Variants in MTAP observed in about 807,000 individuals in gnomAD.
MTAP encodes the protein S-methyl-5'-thioadenosine phosphorylase.
In MTAP, 33 loss-of-function variants were observed where a neutral mutation model predicts 33.6. That is an observed-to-expected ratio of 0.98 (90% CI 0.74 to 1.31). MTAP has a LOEUF of 1.31. Among genes scored for constraint, MTAP ranks in the 40% most tolerant of loss-of-function variants. The pLI is 0.00. For synonymous variants in MTAP, 148 were observed against 125.7 expected (o/e 1.18, Z -1.19); for missense variants, 367 against 360.0 (o/e 1.02, Z -0.16).
At chr9:21,920,592 G>A (rs77761485) in intron 1 of MTAP, among the ~76,000 whole-genome samples, 1,721 of 152,222 alleles carry the variant, frequency 0.011, 13 homozygotes, top group Middle Eastern at 0.027. Context: ...TAGCCCACTC[G>A]AAAGGGGCTA....
chr9:21,815,671 T>A (rs747590814), intron 2 of MTAP, 152 bp downstream of exon 2: 84 of 649,088 alleles, frequency 1.3e-4, no homozygotes, highest in Non-Finnish European at 2.1e-4. Context: ...AGTTCTGCTG[T>A]TGGGTTCCAT....
chr9:21,810,932 A>G (rs557639134), intron 1 of MTAP, among the ~76,000 whole-genome samples: 679 of 152,292 alleles, frequency 4.5e-3, no homozygotes, highest in South Asian at 7.2e-3. Context: ...GCTCCCTCTC[A>G]TACAGCTAGG....
chr9:21,835,272 A>C (rs910940686), intron 4 of MTAP, among the ~76,000 whole-genome samples: 3 of 152,150 alleles, frequency 2.0e-5, no homozygotes, highest in Non-Finnish European at 4.4e-5. Flanking sequence ...TCAGCATAGG[A>C]ATTTTGGGAG....
intron 1 of MTAP, among the ~76,000 whole-genome samples, chr9:21,908,182 T>C (rs541135562): frequency 2.0e-5 from 3 of 152,312 alleles, no homozygotes; most frequent in Admixed American, 2.0e-4. Context: ...TATACTTTCA[T>C]CATTTCAATA....
chr9:21,863,562 G>A lies in MTAP; in HGVS notation c.*1548G>A. The A allele has an allele frequency of 1.2e-6, 1 of 805,970 alleles. No individual in the cohort carries two copies. The highest frequency in any genetic ancestry group is 5.7e-5 in the South Asian group (1 of 17,572). The allele number at this position is 805,970 out of a possible 1,614,324, so 49.9% of individuals were successfully genotyped here. ...GTGGAGCTTGCAGTGAGCAGAGCTT[G>A]CAGTGAGACGAGCTTGTGCCACTGC... is the stretch of plus-strand genomic sequence containing the variant. On this transcript the variant is annotated 3_prime_UTR_variant, in exon 8 of 8. Transcript: ENST00000644715.
chr9:21,820,678 T>G (rs1283204301), intron 4 of MTAP, among the ~76,000 whole-genome samples: 1 of 152,224 alleles, frequency 6.6e-6, no homozygotes, highest in Non-Finnish European at 1.5e-5. Flanking sequence ...AGAAAGCCAT[T>G]GGTAGCTTGA....
At chr9:21,831,520 T>C (rs1248019397) in intron 4 of MTAP, among the ~76,000 whole-genome samples, 1 of 151,658 alleles carries the variant, frequency 6.6e-6, no homozygotes, top group East Asian at 1.9e-4. Context: ...GGAGATGGGG[T>C]CTCACTATGT....
chr9:21,905,379 C>T (rs1453919142), intron 1 of MTAP, among the ~76,000 whole-genome samples: 5 of 151,494 alleles, frequency 3.3e-5, no homozygotes, highest in East Asian at 3.9e-4. Flanking sequence ...CATTTCCCTG[C>T]CCCCCTCCCT....
At chr9:21,874,027 G>A (rs1020477327) in intron 1 of MTAP, among the ~76,000 whole-genome samples, 5 of 152,030 alleles carry the variant, frequency 3.3e-5, no homozygotes, top group African/African-American at 1.2e-4. Context: ...TCCACACATC[G>A]GAATGTGATG....
At position 21,863,415 on chromosome 9, in the gene MTAP, G is replaced by A. The variant is rs1825792327; in HGVS notation, c.*1401G>A. The A allele has an allele frequency of 2.8e-6, 2 of 713,420 alleles. No individual in the cohort carries two copies. Among genetic ancestry groups the A allele is most frequent in the South Asian group, 6.3e-5 (1 of 15,854 alleles). The allele number at this position is 713,420 out of a possible 1,614,324, so 44.2% of individuals were successfully genotyped here. A position where few individuals can be genotyped will look rare whatever the true frequency, so the allele number is the denominator to read the frequency against. On this transcript the variant is annotated 3_prime_UTR_variant, in exon 8 of 8. Coordinates refer to ENST00000644715, the MANE Select transcript of MTAP (RefSeq NM_002451.4). ...AAGGTCAGGAGATCGAGACCATCCTGGCTAATGCGTTGAAACTCCGTCTCT... is the reference window on the plus strand; with the variant it reads ...AAGGTCAGGAGATCGAGACCATCCTAGCTAATGCGTTGAAACTCCGTCTCT...
At position 21,894,018 on chromosome 9, in the gene MTAP, G is replaced by A. The variant is rs982706564; in HGVS notation, c.148-36990G>A. Among the ~76,000 whole-genome samples the A allele has an allele frequency of 5.3e-5, 8 of 151,514 alleles. No individual in the cohort carries two copies. The East Asian group carries it at 5.8e-4, about 11-fold the overall frequency. On this transcript the variant is annotated intron_variant, in intron 1 of 1. Coordinates refer to the MTAP transcript ENST00000577563. The stretch of plus-strand genomic sequence containing the variant: ...AATACTCAACAAAATGCTAGCAAAC[G>A]AAATCCAGCATTGTATCAAAAAGCT...
intron 5 of MTAP, among the ~76,000 whole-genome samples, chr9:21,848,615 A>T (rs1354216493): frequency 1.3e-5 from 2 of 152,224 alleles, no homozygotes; most frequent in Non-Finnish European, 2.9e-5. Context: ...ATGGAAATTC[A>T]GATGGTGGAG....
At chr9:21,918,277 G>A (rs1347231936) in intron 1 of MTAP, among the ~76,000 whole-genome samples, 1 of 139,808 alleles carries the variant, frequency 7.2e-6, no homozygotes, top group African/African-American at 3.1e-5. Context: ...GTGAACCCGG[G>A]AGGCGGAGCT....
chr9:21,901,724 A>T (rs960026132), intron 1 of MTAP, among the ~76,000 whole-genome samples: 7 of 152,294 alleles, frequency 4.6e-5, no homozygotes, highest in African/African-American at 1.7e-4. Flanking sequence ...CAAGGAGGAA[A>T]TGAGGTTATG....
intron 4 of MTAP, among the ~76,000 whole-genome samples, chr9:21,820,819 T>A (rs986913579): frequency 1.3e-5 from 2 of 152,200 alleles, no homozygotes; most frequent in African/African-American, 4.8e-5. Flanking sequence ...GGTTTGTAGT[T>A]CTCCTTGAAG....
chr9:21,882,540 A>C (rs938537606), intron 1 of MTAP, among the ~76,000 whole-genome samples: 1 of 152,064 alleles, frequency 6.6e-6, no homozygotes, highest in Non-Finnish European at 1.5e-5. Context: ...TACAGTCAGC[A>C]TGAGATTTCT....
At chr9:21,905,738 G>C (rs1040250082) in intron 1 of MTAP, among the ~76,000 whole-genome samples, 2 of 152,172 alleles carry the variant, frequency 1.3e-5, no homozygotes, top group Non-Finnish European at 2.9e-5. Context: ...GGTTATACCT[G>C]CTGCTCCCTG....
At chr9:21,936,820 A>G (rs1379197491) in exon 8 of MTAP, 3 of 152,206 alleles carry the variant, frequency 2.0e-5, no homozygotes, top group African/African-American at 7.2e-5. Context: ...AGATAACTAT[A>G]TGCAAAGAAA....
rs568361254 is a variant in MTAP, at chr9:21,828,663, G to C, written c.348-9245G>C. ...GCACTCCAGCCTAGGCAACAAGAGT[G>C]AAACTCCATCTCAAAAAAAAAGAAG... On this transcript the variant is annotated intron_variant, in intron 4 of 7. Coordinates refer to ENST00000644715, the MANE Select transcript of MTAP (RefSeq NM_002451.4). Among the ~76,000 whole-genome samples the C allele has an allele frequency of 1.5e-3, 232 of 151,848 alleles. 2 individuals are homozygous for C. The highest frequency in any genetic ancestry group is 0.013 in the South Asian group (64 of 4,810).
Sources: gnomAD v4.1 joint callset for allele counts (sites outside exome capture counted in the v4.1 genomes callset) on GRCh38, gnomAD v4.1.1 for gene constraint, MANE v1.5 for transcripts, NCBI Gene and HGNC (gene_info 2026-07-23, HGNC 2026-07-21) for gene names.